MPP7: variants seen among roughly 807,000 people sequenced by gnomAD.
MPP7 encodes the protein MAGUK p55 scaffold protein 7.
In MPP7, 60 loss-of-function variants were observed where a neutral mutation model predicts 76.5. That is an observed-to-expected ratio of 0.78 (90% confidence interval 0.64 to 0.97). MPP7 has a LOEUF of 0.97. MPP7 is among the 50% of genes least tolerant of loss of function. The pLI is 0.00. For missense variants in MPP7, 641 were observed against 694.0 expected (o/e 0.92, Z 0.86); for synonymous variants, 237 against 244.5 (o/e 0.97, Z 0.29).
At chr10:28,114,303 T>C (rs778401641) in intron 11 of MPP7, among the ~76,000 whole-genome samples, 2 of 152,052 alleles carry the variant, frequency 1.3e-5, no homozygotes, top group African/African-American at 2.4e-5. Context: ...TCCCAGCTAC[T>C]CAGGAGGCTG....
At chr10:28,171,093 A>G (rs1390103440) in intron 3 of MPP7, among the ~76,000 whole-genome samples, 1 of 152,212 alleles carries the variant, frequency 6.6e-6, no homozygotes, top group Non-Finnish European at 1.5e-5. Flanking sequence ...ACACAAATTA[A>G]TAAGTGTCTA....
At chr10:28,135,258 A>G (rs532199565) in intron 5 of MPP7, among the ~76,000 whole-genome samples, 1 of 152,296 alleles carries the variant, frequency 6.6e-6, no homozygotes, top group South Asian at 2.1e-4. Flanking sequence ...GTAAGCCTAT[A>G]GAAGAGGAAA....
At chr10:28,092,554 T>G (rs1463958807) in intron 11 of MPP7, among the ~76,000 whole-genome samples, 1 of 149,302 alleles carries the variant, frequency 6.7e-6, no homozygotes, top group Admixed American at 6.7e-5. Flanking sequence ...TAGGGAAAGC[T>G]TCATAGAACC....
intron 11 of MPP7, among the ~76,000 whole-genome samples, chr10:28,095,215 A>C (rs1853510188): frequency 6.7e-6 from 1 of 148,720 alleles, no homozygotes; most frequent in African/African-American, 2.5e-5. Context: ...ATATATATAT[A>C]TATATATACA....
intron 2 of MPP7, among the ~76,000 whole-genome samples, chr10:28,323,700 A>G (rs2368308): frequency 0.3 from 45,865 of 151,642 alleles, 7,140 homozygotes; most frequent in East Asian, 0.43. Flanking sequence ...AATAATAAAT[A>G]AATAAATAAA....
At chr10:28,116,983 A>G (rs1834681285) in intron 11 of MPP7, among the ~76,000 whole-genome samples, 1 of 152,056 alleles carries the variant, frequency 6.6e-6, no homozygotes, top group African/African-American at 2.4e-5. Flanking sequence ...TCTAGCACAA[A>G]TATAAGTGCA....
At chr10:28,171,765 C>T (rs886385270) in intron 3 of MPP7, among the ~76,000 whole-genome samples, 1 of 152,170 alleles carries the variant, frequency 6.6e-6, no homozygotes, top group South Asian at 2.1e-4. Flanking sequence ...TGGTATCAAA[C>T]GCCTGCACTT....
intron 1 of MPP7, among the ~76,000 whole-genome samples, chr10:28,281,135 A>G (rs2133095015): frequency 6.6e-6 from 1 of 151,868 alleles, no homozygotes; most frequent in East Asian, 1.9e-4. Flanking sequence ...GCTGGAATGC[A>G]GTGGTGCAAT....
intron 1 of MPP7, among the ~76,000 whole-genome samples, chr10:28,299,766 CTTTT>C (rs59047415): frequency 2.3e-5 from 3 of 132,724 alleles, no homozygotes; most frequent in Non-Finnish European, 3.2e-5. Flanking sequence ...AAATTCAAGA[CTTTT>C]TTTTTTTTTT....
intron 1 of MPP7, among the ~76,000 whole-genome samples, chr10:28,332,840 T>C (rs1834483649): frequency 6.6e-6 from 1 of 151,904 alleles, no homozygotes; most frequent in Non-Finnish European, 1.5e-5. Context: ...TCTTTTATTT[T>C]TATATAGAGA....
upstream of MPP7, among the ~76,000 whole-genome samples, chr10:28,307,110 T>A (rs1410577656): frequency 1.3e-5 from 2 of 152,180 alleles, no homozygotes; most frequent in Non-Finnish European, 1.5e-5. Context: ...CTGGGCAGAT[T>A]ACCAGACACG....
At chr10:28,247,547 TAA>T (rs945268799) in intron 1 of MPP7, among the ~76,000 whole-genome samples, 68 of 152,340 alleles carry the variant, frequency 4.5e-4, no homozygotes, top group African/African-American at 1.6e-3. Context: ...AACTTTATAT[TAA>T]GTTAGGTTTT....
Position 28,238,650 on chromosome 10 carries a change from C to T in MPP7, c.-46G>A, listed in dbSNP as rs760464297. The T allele has an allele frequency of 1.9e-6, 3 of 1,609,104 alleles. No homozygotes were observed. In the South Asian group the frequency reaches 3.3e-5, roughly 18 times the overall value. On this transcript the variant is annotated 5_prime_UTR_variant, in exon 2 of 17. Coordinates refer to ENST00000683449, the MANE Select transcript of MPP7 (RefSeq NM_001318170.2). ...GTCAGCCCACCGCTCTCCGGACACC[C>T]TGCCTTCGGACAGCCACAGGGAATT...
intron 12 of MPP7, among the ~76,000 whole-genome samples, chr10:28,071,145 C>A (rs1588722336): frequency 6.6e-6 from 1 of 152,334 alleles, no homozygotes; most frequent in East Asian, 1.9e-4. Flanking sequence ...AGAACGCATG[C>A]ACAGTGGCTA....
chr10:28,334,141 C>T (rs1834495385), intron 1 of MPP7, among the ~76,000 whole-genome samples: 1 of 151,778 alleles, frequency 6.6e-6, no homozygotes, highest in South Asian at 2.1e-4. Context: ...GTGGAGGTTA[C>T]AGTGAGCCAA....
chr10:28,235,601 T>C (rs533719806), intron 2 of MPP7, among the ~76,000 whole-genome samples: 2 of 152,290 alleles, frequency 1.3e-5, no homozygotes, highest in Admixed American at 6.5e-5. Flanking sequence ...GAGATTAGAC[T>C]ACTGCCATGC....
chr10:28,114,813 C>T lies in MPP7; in HGVS notation c.952+4838G>A, dbSNP rs143574145. On this transcript the variant is annotated intron_variant, in intron 11 of 16. Coordinates refer to ENST00000683449, the MANE Select transcript of MPP7 (RefSeq NM_001318170.2). The stretch of plus-strand genomic sequence containing the variant: ...ATACAAGAGACAATAGGGCTGAGAA[C>T]GCTTCCAATGGAAAGACTAGAAGCA... 6.4e-3 allele frequency among the ~76,000 whole-genome samples: 971 copies of T among 152,282 alleles called. 8 individuals are homozygous for T. The highest frequency in any genetic ancestry group is 0.021 in the African/African-American group (892 of 41,548).
intron 5 of MPP7, among the ~76,000 whole-genome samples, chr10:28,142,471 C>T (rs141633418): frequency 0.016 from 2,436 of 152,292 alleles, 62 homozygotes; most frequent in African/African-American, 0.055. Flanking sequence ...TGGCTCACCT[C>T]TGTAATCCTA....
chr10:28,089,745 T>C lies in MPP7; in HGVS notation c.1049A>G (p.Asp350Gly). 1.9e-6 allele frequency: 3 copies of C among 1,613,246 alleles called. No homozygotes were observed. Among genetic ancestry groups the C allele is most frequent in the Middle Eastern group, 1.6e-4 (1 of 6,062 alleles). The change falls in exon 12 of 17, where the codon GAC (aspartate) becomes GGC (glycine). Residue 350 changes from aspartate to glycine, a missense_variant. Transcript: ENST00000683449. ...CKKSDQYDTA[D>G]VPTYEEVTPY... ...TGTCACTTCTTCGTATGTGGGTACG[T>C]CAGCTGTGTCGTACTGATCACTCTT...
Sources: gnomAD v4.1 joint callset for allele counts (sites outside exome capture counted in the v4.1 genomes callset) on GRCh38, gnomAD v4.1.1 for gene constraint, MANE v1.5 for transcripts, NCBI Gene and HGNC (gene_info 2026-07-23, HGNC 2026-07-21) for gene names.